Variants in FAT2 observed in about 807,000 individuals in gnomAD.
FAT2 encodes FAT atypical cadherin 2.
In FAT2, 150 loss-of-function variants were observed where a neutral mutation model predicts 295.3. The observed-to-expected ratio is 0.51, with a 90% CI of 0.44 to 0.58. FAT2 has a LOEUF of 0.58. FAT2 is among the 20% of genes least tolerant of loss of function. The pLI is 0.00. For missense variants in FAT2, 4,868 were observed against 5,442.7 expected (o/e 0.89, Z 3.32); for synonymous variants, 2,026 against 2,150.3 (o/e 0.94, Z 1.60).
At chr5:151,509,787 A>G in intron 22 of FAT2, 2 of 505,720 alleles carry the variant, frequency 4.0e-6, no homozygotes, top group South Asian at 3.3e-5. Flanking sequence ...TGCTTGAATC[A>G]TCCTGAAACC....
At chr5:151,574,710 T>C (rs1383920682) in intron 1 of FAT2, among the ~76,000 whole-genome samples, 1 of 152,242 alleles carries the variant, frequency 6.6e-6, no homozygotes, top group Non-Finnish European at 1.5e-5. Flanking sequence ...CCAGCTCTAT[T>C]GGTTTAAGAC....
Position 151,542,660 on chromosome 5 carries a change from C to A in FAT2, c.8467G>T (p.Asp2823Tyr). The A allele has an allele frequency of 6.2e-7, 1 of 1,614,212 alleles. No homozygotes were observed. Among genetic ancestry groups the A allele is most frequent in the Non-Finnish European group, 8.5e-7 (1 of 1,180,040 alleles). The change falls in exon 10 of 24, where the codon GAC becomes TAC. Residue 2823 changes from aspartate (D) to tyrosine (Y), a missense_variant. By Grantham distance (160) the Asp-to-Tyr change is radical (BLOSUM62 -3). Transcript: ENST00000261800. ...TGGCCATCTCTCCCAGTGTCCTTGT[C>A]AATGGCAGTCACTTGAATGACTGAG... Reference protein sequence around the residue: ...GTSVIQVTAIDKDTGRDGQVS... With the variant: ...GTSVIQVTAIYKDTGRDGQVS...
intron 12 of FAT2, among the ~76,000 whole-genome samples, chr5:151,537,003 C>G (rs1286058594): frequency 2.6e-5 from 4 of 152,192 alleles, no homozygotes; most frequent in Non-Finnish European, 5.9e-5. Context: ...CTTTCCCCCA[C>G]TCTCTTACCC....
At chr5:151,591,572 C>G (rs1297320266), upstream of FAT2, among the ~76,000 whole-genome samples, 1 of 152,080 alleles carries the variant, frequency 6.6e-6, no homozygotes, top group Non-Finnish European at 1.5e-5. Context: ...GTAGTGTTGC[C>G]CCAGGTCACA....
intron 1 of FAT2, among the ~76,000 whole-genome samples, chr5:151,570,970 G>A (rs7727173): frequency 0.49 from 73,619 of 151,688 alleles, 18,064 homozygotes; most frequent in Non-Finnish European, 0.53. Context: ...ATTTCAATAT[G>A]TCCCACCCTT....
rs894204935 is a variant in FAT2 at position 151,545,037 on chromosome 5, C to T, written c.6090G>A (p.Arg2030=). 1 of 1,614,050 alleles carries T rather than the reference C, an allele frequency of 6.2e-7. No individual in the cohort carries two copies. The highest frequency in any genetic ancestry group is 1.3e-5 in the African/African-American group (1 of 74,924). ...CCAACTCATGAGTGTCCTGCTGCTC[C>T]CGGTCAAACGCCACACCTCTTGTCT... ...VLQTRGVAFD[R]EQQDTHELAV... The change falls in exon 10 of 24, where the codon CGG becomes CGA. Residue 2030 remains arginine, a synonymous_variant. Transcript: ENST00000261800.
At position 151,504,569 on chromosome 5, in the gene FAT2, G is replaced by T. The variant is rs958288161; in HGVS notation, c.*996C>A. On this transcript the variant is annotated 3_prime_UTR_variant, in exon 24 of 24. Coordinates refer to ENST00000261800, the MANE Select transcript of FAT2 (RefSeq NM_001447.3). ...GGCAGGTGTCCAGCCTGGACACTGC[G>T]GTCCAGCTCCCTGCTTCCAACCGGC... 15 of 152,652 alleles carry T rather than the reference G, an allele frequency of 9.8e-5. No individual in the cohort carries two copies. Among genetic ancestry groups the T allele is most frequent in the African/African-American group, 3.6e-4 (15 of 41,456 alleles). The allele number at this position is 152,652 out of a possible 1,614,324, so 9.5% of individuals were successfully genotyped here.
rs2127644338 is a variant in FAT2, at chr5:151,565,690, C to T, written c.3242G>A (p.Ser1081Asn). Residue 1081 changes from serine (S) to asparagine (N), a missense_variant, in exon 2 of 24, where the codon AGC (serine) becomes AAC (asparagine). By Grantham distance (46) the Ser-to-Asn change is conservative. Around this residue, in one of 5 missense-constraint regions of FAT2, gnomAD observed 3,297 missense variants for 3,669.4 expected, o/e 0.90. Transcript: ENST00000261800. ...LRAGTGLAAFSINQDTGMIQT... is the reference protein window; with the variant it reads ...LRAGTGLAAFNINQDTGMIQT... ...CCCAGTACCTGTATCTTGGTTGATGCTGAAGGCTGCGAGTCCAGTGCCAGC... is the reference window on the plus strand; with the variant it reads ...CCCAGTACCTGTATCTTGGTTGATGTTGAAGGCTGCGAGTCCAGTGCCAGC... The T allele has an allele frequency of 2.6e-6, 3 of 1,157,338 alleles. No individual in the cohort carries two copies. The highest frequency in any genetic ancestry group is 5.0e-5 in the East Asian group (1 of 20,022). 71.7% of individuals were successfully genotyped at this position (1,157,338 alleles called of 1,614,324 possible). A position where few individuals can be genotyped will look rare whatever the true frequency, so the allele number is the denominator to read the frequency against.
intron 8 of FAT2, 102 bp from the exon 9 acceptor site, chr5:151,549,607 C>A: frequency 1.2e-6 from 1 of 844,970 alleles, no homozygotes; most frequent in Non-Finnish European, 1.9e-6. Flanking sequence ...AAAATATGCC[C>A]AATTGTAACT....
chr5:151,531,673 G>A lies in FAT2; in HGVS notation c.9725C>T (p.Thr3242Ile), dbSNP rs1435124809. ...CTTCTCTGCGCCCGGGCGAGTGAGG[G>A]TGGCCAGCTGCAGCACCTCCGTGCC... ...PPGTEVLQLATLTRPGAEKTG... is the reference protein window; with the variant it reads ...PPGTEVLQLAILTRPGAEKTG... Residue 3242 changes from threonine to isoleucine, a missense_variant, in exon 14 of 24, where the codon ACC becomes ATC. Coordinates refer to ENST00000261800, the MANE Select transcript of FAT2 (RefSeq NM_001447.3). This position sits in a 1 kb window ranked among gnomAD's most constrained non-coding sequence, Gnocchi z 5.7. 10 of 1,613,818 alleles carry A rather than the reference G, an allele frequency of 6.2e-6. No homozygotes were observed. Among genetic ancestry groups the A allele is most frequent in the Non-Finnish European group, 8.5e-6 (10 of 1,179,928 alleles).
intron 3 of FAT2, among the ~76,000 whole-genome samples, chr5:151,561,703 C>T (rs1758023404): frequency 6.6e-6 from 1 of 152,178 alleles, no homozygotes. Flanking sequence ...CTGACTTTAG[C>T]TTAAGAGCAC....
At position 151,542,912 on chromosome 5, in the gene FAT2, C is replaced by T. The variant is rs1410690071; in HGVS notation, c.8215G>A (p.Val2739Ile). ...GTTPESNKDG[V>I]FSLDPDTGVI... ...CCTGTGTCTGGGTCTAGGGAGAAGA[C>T]ACCATCCTTGTTGCTCTCAGGTGTA... is the stretch of plus-strand genomic sequence containing the variant. Residue 2739 changes from valine (V) to isoleucine (I), a missense_variant, in exon 10 of 24, where the codon GTC becomes ATC. Val to Ile is a conservative substitution (Grantham distance 29). Coordinates refer to ENST00000261800, the MANE Select transcript of FAT2 (RefSeq NM_001447.3). 1.2e-6 allele frequency: 2 copies of T among 1,614,118 alleles called. No individual in the cohort carries two copies. Among genetic ancestry groups the T allele is most frequent in the African/African-American group, 2.7e-5 (2 of 74,934 alleles).
At chr5:151,582,915 C>G (rs1396373905) in intron 1 of FAT2, among the ~76,000 whole-genome samples, 1 of 152,130 alleles carries the variant, frequency 6.6e-6, no homozygotes, top group Non-Finnish European at 1.5e-5. Context: ...TAAAGTCAAA[C>G]AGAAGAGCAG....
rs1379222049 is a variant in FAT2, at chr5:151,512,851, G to A, written c.11464-245C>T. ...GGGGGTGACATCTCCATTCACAGAT[G>A]AGGAAACTGAGGCCGAGAGATGCTT... On this transcript the variant is annotated intron_variant, in intron 20 of 23. Transcript: ENST00000261800. The surrounding 1 kb of genome is among the most constrained non-coding windows in gnomAD (Gnocchi z 4.1). 1 of 535,054 alleles carries A rather than the reference G, an allele frequency of 1.9e-6. No individual in the cohort carries two copies. Among genetic ancestry groups the A allele is most frequent in the Non-Finnish European group, 3.3e-6 (1 of 299,108 alleles). 33.1% of individuals were successfully genotyped at this position (535,054 alleles called of 1,614,324 possible).
In FAT2 at chr5:151,566,391, A is replaced by G. The variant is rs1165037615; in HGVS notation, c.2541T>C (p.Ala847=). The change falls in exon 2 of 24, where the codon GCT becomes GCC. Residue 847 remains alanine (A), a synonymous_variant. Coordinates refer to ENST00000261800, the MANE Select transcript of FAT2 (RefSeq NM_001447.3). ...GAACCCTGCCATTGTCTTCCGAGTC[A>G]GCATCTTTGGTTGTCAGCTCTGCAA... The part of the protein sequence containing the change: ...TTIAELTTKD[A]DSEDNGRVRY... 1 of 1,613,874 alleles carries G rather than the reference A, an allele frequency of 6.2e-7. No homozygotes were observed. Among genetic ancestry groups the G allele is most frequent in the African/African-American group, 1.3e-5 (1 of 74,912 alleles).
intron 12 of FAT2, among the ~76,000 whole-genome samples, chr5:151,535,670 G>A (rs1426321209): frequency 2.0e-5 from 3 of 152,162 alleles, no homozygotes; most frequent in African/African-American, 4.8e-5. Context: ...AAGGAGTCGT[G>A]GGAGCCCCAA....
intron 18 of FAT2, among the ~76,000 whole-genome samples, chr5:151,525,520 C>T (rs1429129174): frequency 6.6e-6 from 1 of 152,144 alleles, no homozygotes; most frequent in Non-Finnish European, 1.5e-5. Context: ...CACTTATTAC[C>T]AGTATTACTT....
In FAT2 at chr5:151,543,232, T is replaced by C; in HGVS notation, c.7895A>G (p.Asp2632Gly). 1 of 1,614,170 alleles carries C rather than the reference T, an allele frequency of 6.2e-7. No homozygotes were observed. The highest frequency in any genetic ancestry group is 8.5e-7 in the Non-Finnish European group (1 of 1,180,026). The change falls in exon 10 of 24, where the codon GAT (aspartate) becomes GGT (glycine). Residue 2632 changes from aspartate to glycine, a missense_variant. Around this residue, in one of 5 missense-constraint regions of FAT2, gnomAD observed 3,297 missense variants for 3,669.4 expected, o/e 0.90. Coordinates refer to ENST00000261800, the MANE Select transcript of FAT2 (RefSeq NM_001447.3). ...YSVNPEDLVKDVIEINPVTGV... is the reference protein window; with the variant it reads ...YSVNPEDLVKGVIEINPVTGV... Reference sequence around the variant, plus strand: ...AGTGACTGGGTTAATTTCAATGACATCTTTAACTAGGTCCTCTGGGTTCAC... The same window carrying C: ...AGTGACTGGGTTAATTTCAATGACACCTTTAACTAGGTCCTCTGGGTTCAC...
At position 151,537,108 on chromosome 5, in the gene FAT2, G is replaced by C. The variant is rs146832994; in HGVS notation, c.9193+685C>G. On this transcript the variant is annotated intron_variant, in intron 12 of 23. Coordinates refer to ENST00000261800, the MANE Select transcript of FAT2 (RefSeq NM_001447.3). ...TCCTCCGTAGCCAAAGTCAAGTTCT[G>C]CTGTCAAATATTCCCATAGCTAGCA... is the stretch of plus-strand genomic sequence containing the variant. 2.1e-3 allele frequency among the ~76,000 whole-genome samples: 317 copies of C among 152,050 alleles called. 1 individual carries two copies. Among genetic ancestry groups the C allele is most frequent in the Admixed American group, 4.7e-3 (72 of 15,260 alleles).
Sources: allele counts gnomAD v4.1 joint callset (sites outside exome capture counted in the v4.1 genomes callset), GRCh38; gene constraint gnomAD v4.1.1; regional missense constraint gnomAD v4.1.1; non-coding constraint Gnocchi (gnomAD v3.1); transcripts MANE v1.5; gene names NCBI Gene and HGNC (gene_info 2026-07-23, HGNC 2026-07-21).